Variants in COL5A3 observed in about 807,000 individuals in gnomAD.
COL5A3 encodes the protein collagen alpha-3(V) chain.
A neutral mutation model predicts 250.0 loss-of-function variants in COL5A3; 172 were observed. The ratio of observed to expected loss-of-function variants is 0.69; its 90% confidence interval spans 0.61 to 0.78. COL5A3 has a LOEUF of 0.78. Ranked by LOEUF, COL5A3 falls within the 30% of genes least tolerant of loss-of-function variation. COL5A3 has a pLI of 0.00. For synonymous variants in COL5A3, 937 were observed against 900.4 expected, an observed-to-expected ratio of 1.04 and a Z score of -0.73; for missense variants, 2,340 against 2,334.4, an observed-to-expected ratio of 1.00 and a Z score of -0.05.
Position 9,960,697 on chromosome 19 carries a change from T to A in COL5A3, c.5045A>T (p.Asn1682Ile), listed in dbSNP as rs373751696. 6.2e-7 allele frequency: 1 copy of A among 1,613,848 alleles called. No individual in the cohort carries two copies. Among genetic ancestry groups the A allele is most frequent in the Non-Finnish European group, 8.5e-7 (1 of 1,180,022 alleles). The change falls in exon 66 of 67, where the codon AAC (asparagine) becomes ATC (isoleucine). Residue 1682 changes from asparagine (N) to isoleucine (I), a missense_variant. Physicochemically the swap from Asn to Ile is moderately radical, Grantham distance 149 (BLOSUM62 -3). Around this residue, in one of 3 missense-constraint regions of COL5A3, gnomAD observed 1,179 missense variants for 1,162.6 expected, o/e 1.01. Coordinates refer to ENST00000264828, the MANE Select transcript of COL5A3 (RefSeq NM_015719.4). The part of the protein sequence containing the change: ...LGTNGEELSF[N>I]QTTAATVSVP... ...GCTGACAGTGGCTGCTGTCGTCTGG[T>A]TGAAAGACAGCTCCTCTCCATTGGT...
At chr19:9,993,972 C>A (rs889659847) in intron 16 of COL5A3, among the ~76,000 whole-genome samples, 166 bp from the exon 17 acceptor site, 2 of 152,124 alleles carry the variant, frequency 1.3e-5, no homozygotes, top group African/African-American at 4.8e-5. Flanking sequence ...ACTGCAACCT[C>A]AGCCTCCTGA....
intron 34 of COL5A3, 29 bp downstream of exon 34, chr19:9,980,777 G>A (rs753838269): frequency 1.2e-6 from 2 of 1,613,448 alleles, no homozygotes; most frequent in South Asian, 1.1e-5. Context: ...TGGGGCATGG[G>A]GGGCCTTGAT....
At chr19:9,974,596 A>C (rs1413011494) in intron 45 of COL5A3, among the ~76,000 whole-genome samples, 188 bp from the exon 46 acceptor site, 1 of 152,152 alleles carries the variant, frequency 6.6e-6, no homozygotes, top group Non-Finnish European at 1.5e-5. Context: ...TCAAGGGTTG[A>C]GTCAAAGTGT....
intron 64 of COL5A3, among the ~76,000 whole-genome samples, chr19:9,963,392 T>A (rs962483776): frequency 5.9e-5 from 9 of 151,300 alleles, no homozygotes; most frequent in African/African-American, 1.2e-4. Flanking sequence ...CCAGCTTTTT[T>A]AAATTTTTAT....
chr19:9,978,630 GA>G lies in COL5A3; in HGVS notation c.2965-4del. 6.4e-7 allele frequency: 1 copy of G among 1,554,482 alleles called. No individual in the cohort carries two copies. The highest frequency in any genetic ancestry group is 1.4e-5 in the African/African-American group (1 of 71,702). On this transcript the variant is annotated splice_region_variant and splice_polypyrimidine_tract_variant and intron_variant, in intron 40 of 66. Coordinates refer to ENST00000264828, the MANE Select transcript of COL5A3 (RefSeq NM_015719.4). ...TCACCCTTTAAGCCAGTAGGTCCCTGAAGGAGGAGATAATTCACAGTTAAGA... is the reference window on the plus strand; with the variant it reads ...TCACCCTTTAAGCCAGTAGGTCCCTGAGGAGGAGATAATTCACAGTTAAGA...
chr19:9,970,360 T>G (rs1599533635), intron 54 of COL5A3, among the ~76,000 whole-genome samples: 2 of 35,520 alleles, frequency 5.6e-5, no homozygotes, highest in African/African-American at 1.0e-4. Flanking sequence ...TGTGGCTGAG[T>G]GGGGTCTGTG....
chr19:9,991,545 T>G, intron 24 of COL5A3, 65 bp downstream of exon 24: 1 of 1,412,226 alleles, frequency 7.1e-7, no homozygotes, highest in South Asian at 1.3e-5. Context: ...TGGGAAGATT[T>G]TCCTGGCAAC....
At chr19:9,977,760 GT>G (rs1246134344) in intron 41 of COL5A3, 59 bp from the exon 42 acceptor site, 3 of 1,330,716 alleles carry the variant, frequency 2.3e-6, no homozygotes, top group Non-Finnish European at 1.0e-6. Context: ...TTTATGGAGG[GT>G]TTTTAAGCCA....
At chr19:9,979,791 GAAAAA>G in intron 37 of COL5A3, 43 bp downstream of exon 37, 5 of 1,338,764 alleles carry the variant, frequency 3.7e-6, no homozygotes, top group African/African-American at 3.1e-5. Context: ...GTCTCAAAAA[GAAAAA>G]AAAAAAAAAG....
At chr19:9,996,867 G>A in intron 11 of COL5A3, 178 bp from the exon 12 acceptor site, 1 of 586,028 alleles carries the variant, frequency 1.7e-6, no homozygotes, top group Non-Finnish European at 3.0e-6. Flanking sequence ...GAAGTGGAAA[G>A]GAAAAGACAG....
At position 9,981,568 on chromosome 19, in the gene COL5A3, G is replaced by A. The variant is rs568504551; in HGVS notation, c.2461-436C>T. Among the ~76,000 whole-genome samples the A allele has an allele frequency of 1.3e-4, 20 of 152,278 alleles. No homozygotes were observed. The East Asian group carries it at 3.9e-3, about 29-fold the overall frequency. On this transcript the variant is annotated intron_variant, in intron 32 of 66. Coordinates refer to ENST00000264828, the MANE Select transcript of COL5A3 (RefSeq NM_015719.4). ...GGACTTTGTCTTGGTAAGCACAGCA[G>A]TATACATACACTCATGTACGTACAT...
chr19:9,970,855 C>T (rs564016483), intron 53 of COL5A3, 120 bp downstream of exon 53: 21 of 1,099,178 alleles, frequency 1.9e-5, no homozygotes, highest in South Asian at 3.5e-5. Context: ...AGAGGTGAAG[C>T]GGGAGCATCT....
chr19:10,005,473 CCTT>C lies in COL5A3; in HGVS notation c.594+82_594+84del, dbSNP rs572564683. The C allele has an allele frequency of 3.4e-4, 476 of 1,390,356 alleles. 1 individual carries two copies. The African/African-American group carries it at 6.1e-3, about 18-fold the overall frequency. 86.1% of individuals were successfully genotyped at this position (1,390,356 alleles called of 1,614,324 possible). On this transcript the variant is annotated intron_variant, in intron 4 of 66. Coordinates refer to ENST00000264828, the MANE Select transcript of COL5A3 (RefSeq NM_015719.4). ...GGGATAGATTGAAGCTTGACATCTT[CCTT>C]CTTTAATATCCTCTCCAGATTCAGG... is the stretch of plus-strand genomic sequence containing the variant.
rs763622877 is a variant in COL5A3 at position 9,983,568 on chromosome 19, GAA to G, written c.2407-1452_2407-1451del. 5.2e-3 allele frequency among the ~76,000 whole-genome samples: 370 copies of G among 71,160 alleles called. 21 individuals carry two copies. In the East Asian group the frequency reaches 0.085, roughly 16 times the overall value. 46.7% of individuals were successfully genotyped at this position (71,160 alleles called of 152,430 possible). A position where few individuals can be genotyped will look rare whatever the true frequency, so the allele number is the denominator to read the frequency against. Reference sequence around the variant, plus strand: ...AGAAAGAAAGAAAGAAAGAAAGAAAGAAAGAAAGAAAGAAAGAAAGAAAGAAA... The same window carrying G: ...AGAAAGAAAGAAAGAAAGAAAGAAAGAGAAAGAAAGAAAGAAAGAAAGAAA... On this transcript the variant is annotated intron_variant, in intron 31 of 66. Coordinates refer to ENST00000264828, the MANE Select transcript of COL5A3 (RefSeq NM_015719.4).
chr19:10,005,943 C>A lies in COL5A3; in HGVS notation c.290G>T (p.Arg97Leu), dbSNP rs777662843. 2.3e-5 allele frequency: 37 copies of A among 1,614,004 alleles called. 2 individuals carry two copies. In the South Asian group the frequency reaches 4.1e-4, roughly 18 times the overall value. ...GACAGACTGATTGGCTGGCTGTCCC[C>A]GCAAGGTGATCAGCAAGGAGAAGTT... ...PENFSLLITL[R>L]GQPANQSVLL... Residue 97 changes from arginine to leucine, a missense_variant, in exon 3 of 67, where the codon CGG becomes CTG. Physicochemically the swap from Arg to Leu is moderately radical, Grantham distance 102 (BLOSUM62 -2). Around this residue, in one of 3 missense-constraint regions of COL5A3, gnomAD observed 1,152 missense variants for 1,146.3 expected, o/e 1.00. Transcript: ENST00000264828.
chr19:9,998,079 C>A (rs769238609), intron 9 of COL5A3, 23 bp downstream of exon 9: 2 of 1,613,974 alleles, frequency 1.2e-6, no homozygotes. Context: ...CCTCTCAACC[C>A]CCTCACAATC....
In COL5A3 at chr19:9,989,511, TCCAGGGGGAC is replaced by T; in HGVS notation, c.1994_2003del (p.Gly665GlufsTer47). ...CTGGGAGGCCTGGAATTCCTGGGTT[TCCAGGGGGAC>T]CCTGAAAGAAGATGAACAGCAGGGG... On this transcript the variant is annotated frameshift_variant and splice_region_variant, in exon 25 of 67. Transcript: ENST00000264828. LOFTEE classifies it high-confidence loss of function. 1 of 1,612,450 alleles carries T rather than the reference TCCAGGGGGAC, an allele frequency of 6.2e-7. No individual in the cohort carries two copies. Among genetic ancestry groups the T allele is most frequent in the Non-Finnish European group, 8.5e-7 (1 of 1,179,168 alleles).
chr19:10,007,257 AC>A (rs973014129), intron 1 of COL5A3, among the ~76,000 whole-genome samples: 11 of 149,020 alleles, frequency 7.4e-5, no homozygotes, highest in African/African-American at 2.7e-4. Context: ...CCCTCTGACT[AC>A]CCCCTGACCT....
At chr19:9,982,266 G>A in intron 31 of COL5A3, 148 bp from the exon 32 acceptor site, 8 of 585,112 alleles carry the variant, frequency 1.4e-5, no homozygotes, top group Non-Finnish European at 6.1e-6. Flanking sequence ...CTACAAGGCA[G>A]CCCTCTTCTC....
Sources: allele counts gnomAD v4.1 joint callset (sites outside exome capture counted in the v4.1 genomes callset), GRCh38; gene constraint gnomAD v4.1.1; regional missense constraint gnomAD v4.1.1; transcripts MANE v1.5; gene names NCBI Gene and HGNC (gene_info 2026-07-23, HGNC 2026-07-21).